The following PSD3 variants were observed in gnomAD, a reference collection of about 807,000 sequenced individuals.
The protein encoded by PSD3 is PH and SEC7 domain-containing protein 3.
Under a neutral mutation model 105.5 loss-of-function variants are expected in PSD3, and 49 were observed. The observed-to-expected ratio is 0.46, with a 90% CI of 0.37 to 0.59. PSD3 has a LOEUF of 0.59. PSD3 is among the 20% of genes least tolerant of loss of function. PSD3 has a pLI of 0.00. For synonymous variants in PSD3, 557 were observed against 457.8 expected (o/e 1.22, Z -2.77); for missense variants, 1,561 against 1,263.8 (o/e 1.24, Z -3.57).
At chr8:18,947,853 T>C (rs1474031986) in intron 1 of PSD3, among the ~76,000 whole-genome samples, 1 of 152,124 alleles carries the variant, frequency 6.6e-6, no homozygotes, top group East Asian at 1.9e-4. Flanking sequence ...CATAGAAAGC[T>C]GGGAGCTAGA....
chr8:19,081,033 C>G (rs2129478346), intron 1 of PSD3, among the ~76,000 whole-genome samples: 1 of 152,246 alleles, frequency 6.6e-6, no homozygotes, highest in East Asian at 1.9e-4. Flanking sequence ...GCCCCAAGTT[C>G]AAATCAAATG....
intron 8 of PSD3, chr8:18,774,528 A>T: frequency 4.1e-6 from 1 of 244,090 alleles, no homozygotes. Flanking sequence ...CTCCAGTTTG[A>T]ATTTTGACTC....
At chr8:18,988,441 G>A (rs1170732341) in intron 1 of PSD3, among the ~76,000 whole-genome samples, 2 of 152,186 alleles carry the variant, frequency 1.3e-5, no homozygotes, top group Non-Finnish European at 2.9e-5. Context: ...TGGAAAACCT[G>A]CTTTTCATCA....
At chr8:19,036,341 T>G (rs901274953) in intron 1 of PSD3, among the ~76,000 whole-genome samples, 7 of 152,050 alleles carry the variant, frequency 4.6e-5, no homozygotes, top group African/African-American at 1.4e-4. Context: ...CCCAGTCCCC[T>G]CCCTTCTCCT....
At chr8:18,888,156 G>C (rs1484899191) in intron 2 of PSD3, among the ~76,000 whole-genome samples, 1 of 152,090 alleles carries the variant, frequency 6.6e-6, no homozygotes, top group African/African-American at 2.4e-5. Flanking sequence ...CAGAACCATC[G>C]CAAGCCAAAA....
intron 11 of PSD3, among the ~76,000 whole-genome samples, chr8:18,621,613 C>G (rs74704723): frequency 0.034 from 5,130 of 152,230 alleles, 84 homozygotes; most frequent in East Asian, 0.062. Flanking sequence ...ACTAGAGAGT[C>G]ACGTGACAAG....
intron 4 of PSD3, among the ~76,000 whole-genome samples, chr8:18,866,870 A>G (rs1003113056): frequency 9.3e-5 from 14 of 150,248 alleles, no homozygotes; most frequent in African/African-American, 3.3e-4. Context: ...ACCTCCCACC[A>G]GCTCCACACA....
intron 1 of PSD3, among the ~76,000 whole-genome samples, chr8:19,001,389 G>A (rs1054294228): frequency 1.3e-5 from 2 of 150,778 alleles, no homozygotes; most frequent in African/African-American, 4.9e-5. Flanking sequence ...TACACCTCCT[G>A]CCCCCAACAC....
intron 9 of PSD3, among the ~76,000 whole-genome samples, chr8:18,739,435 C>A (rs551535446): frequency 1.3e-5 from 2 of 152,132 alleles, no homozygotes; most frequent in South Asian, 2.1e-4. Context: ...GTGCCTTTGT[C>A]TGGACTCTAT....
chr8:18,934,921 T>G (rs1822008162), intron 2 of PSD3, among the ~76,000 whole-genome samples: 1 of 152,256 alleles, frequency 6.6e-6, no homozygotes. Context: ...ATTTTTATCT[T>G]GTACCTCCTT....
chr8:18,970,684 G>A (rs1354397587), intron 1 of PSD3, among the ~76,000 whole-genome samples: 1 of 152,226 alleles, frequency 6.6e-6, no homozygotes, highest in South Asian at 2.1e-4. Flanking sequence ...TCTGGATGCG[G>A]TGGTTCGTGC....
At chr8:18,799,905 CT>C (rs1312544470) in intron 7 of PSD3, among the ~76,000 whole-genome samples, 1 of 152,140 alleles carries the variant, frequency 6.6e-6, no homozygotes, top group East Asian at 1.9e-4. Flanking sequence ...CAGTAAAAAT[CT>C]TTTCAATTTA....
chr8:18,547,947 T>C (rs959569120), intron 15 of PSD3, among the ~76,000 whole-genome samples: 5 of 152,212 alleles, frequency 3.3e-5, no homozygotes, highest in South Asian at 2.1e-4. Context: ...ATTGGCTCTG[T>C]TGATGGTGTT....
In PSD3 at chr8:18,871,762, G is replaced by C. The variant is rs1428070589; in HGVS notation, c.1102C>G (p.Pro368Ala). The C allele has an allele frequency of 6.2e-7, 1 of 1,614,194 alleles. No individual in the cohort carries two copies. Among genetic ancestry groups the C allele is most frequent in the South Asian group, 1.1e-5 (1 of 91,080 alleles). The change falls in exon 3 of 16, where the codon CCT (proline) becomes GCT (alanine). Residue 368 changes from proline (P) to alanine (A), a missense_variant. Transcript: ENST00000327040. ...ENVWDESWKAPSERPGTSSGT... is the reference protein window; with the variant it reads ...ENVWDESWKAASERPGTSSGT... The stretch of plus-strand genomic sequence containing the variant: ...GAGCTAGTGCCAGGCCTCTCTGAAG[G>C]AGCTTTCCAGGATTCATCCCAAACA...
chr8:18,863,775 T>G (rs549836176), intron 4 of PSD3, among the ~76,000 whole-genome samples: 149 of 152,296 alleles, frequency 9.8e-4, no homozygotes, highest in African/African-American at 3.5e-3. Context: ...AAAACTGTCT[T>G]TCCCAACTGC....
intron 4 of PSD3, among the ~76,000 whole-genome samples, chr8:18,866,979 G>A (rs1344314383): frequency 6.6e-6 from 1 of 151,866 alleles, no homozygotes; most frequent in Non-Finnish European, 1.5e-5. Context: ...CGAGCATGAA[G>A]AAATGAAACG....
chr8:18,749,930 T>A (rs1168967231), intron 9 of PSD3, among the ~76,000 whole-genome samples: 3 of 152,156 alleles, frequency 2.0e-5, no homozygotes, highest in Non-Finnish European at 4.4e-5. Context: ...CAGATTCACC[T>A]TCAGAGCCTC....
chr8:18,610,470 T>TA (rs1405551354), intron 11 of PSD3, among the ~76,000 whole-genome samples: 1 of 152,228 alleles, frequency 6.6e-6, no homozygotes, highest in Non-Finnish European at 1.5e-5. Flanking sequence ...TCCCTTTGTT[T>TA]GTCTATAAAT....
intron 4 of PSD3, among the ~76,000 whole-genome samples, chr8:18,830,557 G>A (rs934987905): frequency 2.0e-5 from 3 of 152,200 alleles, no homozygotes; most frequent in African/African-American, 7.2e-5. Flanking sequence ...GTCATTCAAA[G>A]CAGAGGAGCA....
Sources: gnomAD v4.1 joint callset for allele counts (sites outside exome capture counted in the v4.1 genomes callset) on GRCh38, gnomAD v4.1.1 for gene constraint, MANE v1.5 for transcripts, NCBI Gene and HGNC (gene_info 2026-07-23, HGNC 2026-07-21) for gene names.